Variants in PXDNL observed in about 807,000 individuals in gnomAD.
The protein encoded by PXDNL is probable oxidoreductase PXDNL.
A neutral mutation model predicts 150.8 loss-of-function variants in PXDNL; 145 were observed. The observed-to-expected ratio is 0.96, with a 90% CI of 0.84 to 1.10. The LOEUF (loss-of-function observed/expected upper bound fraction) is 1.10. Ranked by LOEUF, PXDNL falls within the 50% of genes least tolerant of loss-of-function variation. The pLI, the probability that PXDNL is intolerant of heterozygous loss-of-function variation, is 0.00. For missense variants in PXDNL, 2,087 were observed against 1,873.9 expected (o/e 1.11, Z -2.10); for synonymous variants, 757 against 725.7 (o/e 1.04, Z -0.69).
At chr8:51,696,692 T>A (rs1200767952) in intron 1 of PXDNL, among the ~76,000 whole-genome samples, 1 of 91,090 alleles carries the variant, frequency 1.1e-5, no homozygotes, top group Admixed American at 1.1e-4. Context: ...CACACACAGG[T>A]CCACACACAT....
At chr8:51,780,557 G>T (rs1042112491) in intron 1 of PXDNL, among the ~76,000 whole-genome samples, 1 of 151,896 alleles carries the variant, frequency 6.6e-6, no homozygotes, top group African/African-American at 2.4e-5. Flanking sequence ...ACTACCATAC[G>T]CTGAGTAGCT....
At chr8:51,468,692 T>C (rs1284203565) in intron 8 of PXDNL, among the ~76,000 whole-genome samples, 1 of 151,964 alleles carries the variant, frequency 6.6e-6, no homozygotes, top group Non-Finnish European at 1.5e-5. Context: ...GTTTTCTTTA[T>C]CCACTTTTTT....
intron 1 of PXDNL, among the ~76,000 whole-genome samples, chr8:51,728,430 T>C (rs1816858591): frequency 6.6e-6 from 1 of 152,170 alleles, no homozygotes; most frequent in Admixed American, 6.5e-5. Context: ...ATTGCTATCA[T>C]AGGAGATGAC....
intron 17 of PXDNL, among the ~76,000 whole-genome samples, chr8:51,389,399 A>T (rs1807824001): frequency 6.6e-6 from 1 of 152,182 alleles, no homozygotes; most frequent in Admixed American, 6.5e-5. Context: ...CCTGATGTTT[A>T]CTTGAGAAAC....
intron 1 of PXDNL, among the ~76,000 whole-genome samples, chr8:51,677,847 T>C (rs1456487090): frequency 1.3e-5 from 2 of 152,218 alleles, no homozygotes; most frequent in East Asian, 3.8e-4. Context: ...ACCTTCAGTT[T>C]AACTCCTCAA....
rs952147630 is a variant in PXDNL at position 51,702,800 on chromosome 8, C to T, written c.165-48040G>A. On this transcript the variant is annotated intron_variant, in intron 1 of 22. Transcript: ENST00000356297. Reference sequence around the variant, plus strand: ...TTGGTCTAAGTACATCAATGGCCCCCACTTGATCAGTTGTTGTCAAATGTA... The same window carrying T: ...TTGGTCTAAGTACATCAATGGCCCCTACTTGATCAGTTGTTGTCAAATGTA... Among the ~76,000 whole-genome samples the T allele has an allele frequency of 5.3e-5, 8 of 152,270 alleles. No individual in the cohort carries two copies. The South Asian group carries it at 1.2e-3, about 24-fold the overall frequency.
intron 3 of PXDNL, among the ~76,000 whole-genome samples, chr8:51,590,927 G>T (rs1239361772): frequency 6.6e-6 from 1 of 152,138 alleles, no homozygotes; most frequent in African/African-American, 2.4e-5. Context: ...GTTTTGTGAG[G>T]CGAAGAGGCA....
At chr8:51,751,451 T>C (rs2037044675) in intron 1 of PXDNL, among the ~76,000 whole-genome samples, 1 of 152,208 alleles carries the variant, frequency 6.6e-6, no homozygotes, top group South Asian at 2.1e-4. Flanking sequence ...CCATGACAAA[T>C]GAATAAATGA....
At chr8:51,339,486 A>G in intron 21 of PXDNL, 138 bp downstream of exon 21, 1 of 845,822 alleles carries the variant, frequency 1.2e-6, no homozygotes, top group Non-Finnish European at 1.8e-6. Context: ...AAACAAAAAA[A>G]AAGCAATACA....
chr8:51,447,221 G>A, intron 11 of PXDNL, 59 bp from the exon 12 acceptor site: 1 of 1,549,726 alleles, frequency 6.5e-7, no homozygotes, highest in Middle Eastern at 2.0e-4. Flanking sequence ...AGCCAGAGCT[G>A]CTGGCTGTCC....
chr8:51,357,916 G>C (rs1217921898), intron 19 of PXDNL, among the ~76,000 whole-genome samples: 1 of 152,070 alleles, frequency 6.6e-6, no homozygotes, highest in Non-Finnish European at 1.5e-5. Flanking sequence ...TGTTCTGAAA[G>C]AAAAACTGAT....
At chr8:51,696,641 GCA>G (rs1563509916) in intron 1 of PXDNL, among the ~76,000 whole-genome samples, 2 of 135,884 alleles carry the variant, frequency 1.5e-5, no homozygotes, top group Non-Finnish European at 3.2e-5. Context: ...ACAGGCATAC[GCA>G]CATCCACACA....
intron 19 of PXDNL, among the ~76,000 whole-genome samples, chr8:51,346,793 C>A (rs1418746708): frequency 1.3e-5 from 2 of 152,172 alleles, no homozygotes; most frequent in Non-Finnish European, 2.9e-5. Context: ...CTCCCCGAGG[C>A]CTCCCTAGAA....
At chr8:51,403,007 G>A (rs896372273) in intron 17 of PXDNL, among the ~76,000 whole-genome samples, 1 of 150,416 alleles carries the variant, frequency 6.6e-6, no homozygotes, top group African/African-American at 2.4e-5. Flanking sequence ...GGAGAATGGC[G>A]TGAACCCGGG....
At chr8:51,713,928 T>C (rs79612761) in intron 1 of PXDNL, among the ~76,000 whole-genome samples, 3,658 of 152,286 alleles carry the variant, frequency 0.024, 149 homozygotes, top group African/African-American at 0.083. Flanking sequence ...ATCACTTTAA[T>C]TCCCTACATA....
intron 10 of PXDNL, among the ~76,000 whole-genome samples, chr8:51,450,133 A>C (rs1478375198): frequency 1.3e-5 from 2 of 152,222 alleles, no homozygotes; most frequent in Admixed American, 1.3e-4. Context: ...TGACATTGCC[A>C]TGGCATTTGT....
intron 17 of PXDNL, among the ~76,000 whole-genome samples, chr8:51,394,013 A>G (rs1187432464): frequency 1.3e-5 from 2 of 152,208 alleles, no homozygotes; most frequent in Non-Finnish European, 2.9e-5. Context: ...TTGGAATCAT[A>G]TAGATTCAGA....
intron 17 of PXDNL, among the ~76,000 whole-genome samples, chr8:51,396,595 A>G (rs912306654): frequency 6.6e-6 from 1 of 152,170 alleles, no homozygotes. Context: ...CATCTCTACT[A>G]AAAATACAAA....
chr8:51,499,350 C>T (rs759920484), intron 5 of PXDNL, among the ~76,000 whole-genome samples: 5 of 152,192 alleles, frequency 3.3e-5, no homozygotes, highest in Admixed American at 6.5e-5. Context: ...AAGCTGGTAT[C>T]GAACTCCTGA....
Sources: allele counts gnomAD v4.1 joint callset (sites outside exome capture counted in the v4.1 genomes callset), GRCh38; gene constraint gnomAD v4.1.1; transcripts MANE v1.5; gene names NCBI Gene and HGNC (gene_info 2026-07-23, HGNC 2026-07-21).